The following ERBB4 variants were observed in gnomAD, a reference collection of about 807,000 sequenced individuals.
ERBB4 encodes erb-b2 receptor tyrosine kinase 4, also known as receptor tyrosine-protein kinase erbB-4.
Under a neutral mutation model 158.0 loss-of-function variants are expected in ERBB4, and 42 were observed. That is an observed-to-expected ratio of 0.27 (90% CI 0.21 to 0.34). The LOEUF is 0.34. Ranked by LOEUF, ERBB4 falls within the 10% of genes least tolerant of loss-of-function variation. ERBB4 has a pLI of 1.00. For missense variants in ERBB4, 1,333 were observed against 1,624.1 expected (o/e 0.82, Z 3.08); for synonymous variants, 583 against 558.7 (o/e 1.04, Z -0.61).
chr2:211,561,592 C>G (rs1393920117), intron 20 of ERBB4, among the ~76,000 whole-genome samples: 1 of 152,154 alleles, frequency 6.6e-6, no homozygotes, highest in African/African-American at 2.4e-5. Context: ...TATTAGTTAA[C>G]TAGACTATAC....
At chr2:212,108,649 T>G (rs1312998797) in intron 2 of ERBB4, among the ~76,000 whole-genome samples, 4 of 150,224 alleles carry the variant, frequency 2.7e-5, no homozygotes, top group Admixed American at 6.6e-5. Flanking sequence ...AGGAGTACAT[T>G]CAACTATTCC....
At chr2:211,684,965 G>T (rs1440388986) in intron 12 of ERBB4, among the ~76,000 whole-genome samples, 1 of 152,150 alleles carries the variant, frequency 6.6e-6, no homozygotes, top group African/African-American at 2.4e-5. Context: ...CTGTTTCTCT[G>T]CTGCAAACCC....
chr2:211,383,507 G>C lies in ERBB4; in HGVS notation c.*108C>G, dbSNP rs2062613579. ...GCATCTCTGTATCTTCCACTGGGAA[G>C]TGTCAAAACTACTGGCCTTGGGGTA... On this transcript the variant is annotated 3_prime_UTR_variant, in exon 28 of 28. Coordinates refer to ENST00000342788, the MANE Select transcript of ERBB4 (RefSeq NM_005235.3). 1.2e-6 allele frequency: 1 copy of C among 837,726 alleles called. No individual in the cohort carries two copies. The allele number at this position is 837,726 out of a possible 1,614,324, so 51.9% of individuals were successfully genotyped here. A position where few individuals can be genotyped will look rare whatever the true frequency, so the allele number is the denominator to read the frequency against.
chr2:212,136,645 C>T (rs980107254), intron 1 of ERBB4, among the ~76,000 whole-genome samples: 9 of 152,188 alleles, frequency 5.9e-5, no homozygotes, highest in African/African-American at 2.2e-4. Flanking sequence ...AGTATGCTTG[C>T]AGTGGTGAGC....
intron 2 of ERBB4, among the ~76,000 whole-genome samples, chr2:212,116,837 T>C (rs1188855134): frequency 3.3e-5 from 5 of 152,324 alleles, no homozygotes; most frequent in African/African-American, 1.2e-4. Context: ...ACCTTTTTTA[T>C]CCTTTGATTT....
chr2:211,883,319 G>C (rs551054987), intron 3 of ERBB4, among the ~76,000 whole-genome samples: 1 of 152,168 alleles, frequency 6.6e-6, no homozygotes, highest in South Asian at 2.1e-4. Flanking sequence ...AGCGGGGAGG[G>C]ATAGCATTAG....
intron 2 of ERBB4, among the ~76,000 whole-genome samples, chr2:211,977,531 T>TTTAAAA (rs1445827351): frequency 3.0e-5 from 2 of 67,594 alleles, no homozygotes; most frequent in African/African-American, 9.7e-5. Context: ...ATATTGACTT[T>TTTAAAA]AAAAAAAAAA....
chr2:211,905,744 G>GTGTGTATA (rs749531602), intron 3 of ERBB4, among the ~76,000 whole-genome samples: 2 of 119,388 alleles, frequency 1.7e-5, no homozygotes, highest in African/African-American at 6.3e-5. Flanking sequence ...GCATGTGTGT[G>GTGTGTATA]TATATATATA....
chr2:212,431,271 G>T (rs1574906663), intron 1 of ERBB4, among the ~76,000 whole-genome samples: 1 of 125,744 alleles, frequency 8.0e-6, no homozygotes. Flanking sequence ...TCTCATCTCA[G>T]TTGATGGCAA....
chr2:212,293,864 A>C (rs536078144), intron 1 of ERBB4, among the ~76,000 whole-genome samples: 3,516 of 150,350 alleles, frequency 0.023, 84 homozygotes, highest in Non-Finnish European at 0.036. Context: ...AAAAACAAAA[A>C]AAAAAAAAAC....
chr2:212,294,095 T>G (rs17418640), intron 1 of ERBB4, among the ~76,000 whole-genome samples: 25,191 of 151,966 alleles, frequency 0.17, 2,276 homozygotes, highest in South Asian at 0.3. Flanking sequence ...TTACTGTTAC[T>G]ATACCATTAT....
intron 19 of ERBB4, among the ~76,000 whole-genome samples, chr2:211,584,924 T>C (rs1177235751): frequency 1.3e-5 from 2 of 152,080 alleles, no homozygotes; most frequent in African/African-American, 2.4e-5. Context: ...TATTTATTTG[T>C]GGCGCATTTT....
intron 2 of ERBB4, among the ~76,000 whole-genome samples, chr2:212,047,164 A>C (rs115266661): frequency 0.013 from 1,981 of 152,302 alleles, 22 homozygotes; most frequent in Middle Eastern, 0.027. Flanking sequence ...AAAACTTTTA[A>C]GTTTTCTACC....
chr2:212,442,453 G>A (rs2092275108), intron 1 of ERBB4, among the ~76,000 whole-genome samples: 1 of 152,100 alleles, frequency 6.6e-6, no homozygotes, highest in Non-Finnish European at 1.5e-5. Flanking sequence ...GGGTAACTGT[G>A]CACAGGGGAA....
At chr2:211,603,499 C>T (rs970937759) in intron 19 of ERBB4, among the ~76,000 whole-genome samples, 1 of 151,988 alleles carries the variant, frequency 6.6e-6, no homozygotes, top group Non-Finnish European at 1.5e-5. Context: ...AAAATATATA[C>T]ATAAGAGAAA....
intron 14 of ERBB4, among the ~76,000 whole-genome samples, chr2:211,666,852 T>C (rs2071649582): frequency 6.6e-6 from 1 of 152,148 alleles, no homozygotes. Flanking sequence ...AAATAAGATA[T>C]AGTAAGCATA....
intron 1 of ERBB4, among the ~76,000 whole-genome samples, chr2:212,135,497 G>C (rs1390497532): frequency 6.6e-6 from 1 of 151,938 alleles, no homozygotes; most frequent in Admixed American, 6.6e-5. Context: ...TATATATTCT[G>C]TCTTTATTGT....
At chr2:211,716,607 C>T (rs925732690) in intron 7 of ERBB4, among the ~76,000 whole-genome samples, 8 of 150,922 alleles carry the variant, frequency 5.3e-5, no homozygotes, top group East Asian at 2.0e-4. Context: ...ACCCGGGAGG[C>T]GGAGCTTGCA....
chr2:212,367,931 A>C (rs900681541), intron 1 of ERBB4, among the ~76,000 whole-genome samples: 2 of 152,116 alleles, frequency 1.3e-5, no homozygotes, highest in African/African-American at 4.8e-5. Flanking sequence ...ATCAAAAAAC[A>C]GTAGATGTTG....
Sources: allele counts gnomAD v4.1 joint callset (sites outside exome capture counted in the v4.1 genomes callset), GRCh38; gene constraint gnomAD v4.1.1; transcripts MANE v1.5; gene names NCBI Gene and HGNC (gene_info 2026-07-23, HGNC 2026-07-21).